Variants in RNASET2 observed in about 807,000 individuals in gnomAD.
RNASET2 encodes ribonuclease T2, also known as ribonuclease 6.
Under a neutral mutation model 33.9 loss-of-function variants are expected in RNASET2, and 28 were observed. The observed-to-expected ratio is 0.83, with a 90% CI of 0.61 to 1.13. The LOEUF (loss-of-function observed/expected upper bound fraction) is 1.13. RNASET2 is among the 50% of genes most tolerant of loss of function. The pLI, the probability that RNASET2 is intolerant of heterozygous loss-of-function variation, is 0.00. For synonymous variants in RNASET2, 123 were observed against 121.0 expected, an observed-to-expected ratio of 1.02 and a Z score of -0.11; for missense variants, 330 against 319.9, an observed-to-expected ratio of 1.03 and a Z score of -0.24.
Position 166,946,696 on chromosome 6 carries a change from A to C in RNASET2, c.247T>G (p.Leu83Val), listed in dbSNP as rs1239628395. ...EGCNRSWPFN[L>V]EEIKDLLPEM... Reference sequence around the variant, plus strand: ...AAAGTCAATACCTTAATCTCTTCTAAATTGAAGGGCCACGATCTATTACAT... The same window carrying C: ...AAAGTCAATACCTTAATCTCTTCTACATTGAAGGGCCACGATCTATTACAT... The change falls in exon 4 of 9, where the codon TTA becomes GTA. Residue 83 changes from leucine (L) to valine (V), a missense_variant. By Grantham distance (32) the Leu-to-Val change is conservative. Coordinates refer to ENST00000508775, the MANE Select transcript of RNASET2 (RefSeq NM_003730.6). The C allele has an allele frequency of 6.4e-7, 1 of 1,555,860 alleles. No homozygotes were observed. The highest frequency in any genetic ancestry group is 1.1e-5 in the South Asian group (1 of 87,210).
In RNASET2 at chr6:166,922,178, T is replaced by C. The variant is rs1359700794; in HGVS notation, c.*7410A>G. Among the ~76,000 whole-genome samples, 1 of 152,246 alleles carries C rather than the reference T, an allele frequency of 6.6e-6. No individual in the cohort carries two copies. Among genetic ancestry groups the C allele is most frequent in the Non-Finnish European group, 1.5e-5 (1 of 68,052 alleles). On this transcript the variant is annotated 3_prime_UTR_variant, in exon 9 of 9. Transcript: ENST00000508775. ...TAGGATCCTAACTGCTAAGCATATA[T>C]GTTGATCATGTTTACATGTTTATGT... is the stretch of plus-strand genomic sequence containing the variant.
At chr6:166,943,207 T>C (rs1778735497) in intron 4 of RNASET2, 118 bp from the exon 5 acceptor site, 3 of 726,360 alleles carry the variant, frequency 4.1e-6, no homozygotes, top group East Asian at 2.8e-5. Flanking sequence ...AACAATACTT[T>C]GGTGAATAAA....
At position 166,933,944 on chromosome 6, in the gene RNASET2, A is replaced by C. The variant is rs1230652668; in HGVS notation, c.492+147T>G. 3 of 739,904 alleles carry C rather than the reference A, an allele frequency of 4.1e-6. No homozygotes were observed. Among genetic ancestry groups the C allele is most frequent in the Non-Finnish European group, 7.4e-6 (3 of 403,880 alleles). The allele number at this position is 739,904 out of a possible 1,614,324, so 45.8% of individuals were successfully genotyped here. On this transcript the variant is annotated intron_variant, in intron 7 of 8. Transcript: ENST00000508775. This position sits in a 1 kb window ranked among gnomAD's most constrained non-coding sequence, Gnocchi z 4.1. ...CAACATGCGCAGGAAAATAAAATGC[A>C]AATAAAATCTGTTCACATGATAACA...
intron 5 of RNASET2, among the ~76,000 whole-genome samples, chr6:166,941,169 CA>C (rs1485773196): frequency 6.6e-6 from 1 of 152,110 alleles, no homozygotes; most frequent in Non-Finnish European, 1.5e-5. Context: ...CATTTAGAAC[CA>C]GTTTTTTAAG....
chr6:166,946,621 T>C (rs955558156), intron 4 of RNASET2, 61 bp downstream of exon 4: 2 of 920,752 alleles, frequency 2.2e-6, no homozygotes, highest in Admixed American at 2.0e-5. Flanking sequence ...GGTACGCTTG[T>C]GAAGAAAAGA....
chr6:166,955,046 C>T (rs202175988), intron 1 of RNASET2, among the ~76,000 whole-genome samples: 1 of 151,636 alleles, frequency 6.6e-6, no homozygotes, highest in Middle Eastern at 3.2e-3. Context: ...AGTAAGAAAT[C>T]CTATTAACCC....
At chr6:166,955,197 G>GCA (rs1279464424) in intron 1 of RNASET2, among the ~76,000 whole-genome samples, 26 of 119,128 alleles carry the variant, frequency 2.2e-4, no homozygotes, top group African/African-American at 8.8e-4. Context: ...ACGCACACAC[G>GCA]CACGCACACA....
intron 6 of RNASET2, among the ~76,000 whole-genome samples, chr6:166,935,989 A>C (rs1778557153): frequency 6.6e-6 from 1 of 152,206 alleles, no homozygotes; most frequent in Non-Finnish European, 1.5e-5. Context: ...AGTTTATGAT[A>C]ATTTGAAAAG....
intron 2 of RNASET2, among the ~76,000 whole-genome samples, chr6:166,949,500 CAAA>C (rs61621125): frequency 1.0e-3 from 46 of 44,398 alleles, no homozygotes; most frequent in African/African-American, 2.9e-3. Flanking sequence ...GACTCCATCT[CAAA>C]AAAAAAAAAA....
intron 4 of RNASET2, chr6:166,944,957 G>A (rs560831680): frequency 8.2e-6 from 1 of 122,156 alleles, no homozygotes; most frequent in South Asian, 1.6e-4. Context: ...TGTCAGCCCT[G>A]CCCTCACCCA....
Position 166,931,041 on chromosome 6 carries a change from A to C in RNASET2, c.567+3T>G. On this transcript the variant is annotated splice_donor_region_variant and intron_variant, in intron 8 of 8. Transcript: ENST00000508775. Reference sequence around the variant, plus strand: ...AAAGGAAGACAAAACATAACTGTCTAACCTGGCTTGGTGGAAGGCACTGGA... The same window carrying C: ...AAAGGAAGACAAAACATAACTGTCTCACCTGGCTTGGTGGAAGGCACTGGA... 6.2e-7 allele frequency: 1 copy of C among 1,606,182 alleles called. No individual in the cohort carries two copies. Among genetic ancestry groups the C allele is most frequent in the Admixed American group, 1.7e-5 (1 of 60,022 alleles).
chr6:166,932,770 G>C (rs2128644340), intron 7 of RNASET2: 1 of 152,388 alleles, frequency 6.6e-6, no homozygotes, highest in Admixed American at 6.5e-5. Flanking sequence ...TGTGGCTTTT[G>C]CCACCCCTGT....
intron 6 of RNASET2, chr6:166,938,454 A>T: frequency 2.0e-6 from 1 of 491,414 alleles, no homozygotes; most frequent in Non-Finnish European, 4.1e-6. Context: ...CTGGGGCTTA[A>T]AGAACCCTGG....
rs1778284866 is a variant in RNASET2 at position 166,925,131 on chromosome 6, GC to G, written c.*4456del. Reference sequence around the variant, plus strand: ...GAACAGCACAGCCCTCACCTCTGCTGCCCAGGCCTCATCTACGCCATCCAGC... The same window carrying G: ...GAACAGCACAGCCCTCACCTCTGCTGCCAGGCCTCATCTACGCCATCCAGC... On this transcript the variant is annotated 3_prime_UTR_variant, in exon 9 of 9. Coordinates refer to ENST00000508775, the MANE Select transcript of RNASET2 (RefSeq NM_003730.6). Among the ~76,000 whole-genome samples, 1 of 135,014 alleles carries G rather than the reference GC, an allele frequency of 7.4e-6. No homozygotes were observed. The highest frequency in any genetic ancestry group is 1.6e-5 in the Non-Finnish European group (1 of 63,356). The allele number at this position is 135,014 out of a possible 152,430, so 88.6% of individuals were successfully genotyped here. A position where few individuals can be genotyped will look rare whatever the true frequency, so the allele number is the denominator to read the frequency against.
chr6:166,948,300 C>G (rs756111889), intron 3 of RNASET2: 6 of 487,270 alleles, frequency 1.2e-5, no homozygotes, highest in Admixed American at 3.1e-5. Context: ...GAGCCAAGAT[C>G]GTGCCACTGC....
rs1298281907 is a variant in RNASET2, at chr6:166,924,592, C to T, written c.*4996G>A. On this transcript the variant is annotated 3_prime_UTR_variant, in exon 9 of 9. Coordinates refer to ENST00000508775, the MANE Select transcript of RNASET2 (RefSeq NM_003730.6). ...TTGCTGTCTCCCTTTCTTCAGGTTC[C>T]GAGGAAGCCTTCCCTGGCCGCCTTC... Among the ~76,000 whole-genome samples the T allele has an allele frequency of 2.0e-5, 3 of 152,090 alleles. No homozygotes were observed. Among genetic ancestry groups the T allele is most frequent in the Admixed American group, 6.5e-5 (1 of 15,272 alleles).
chr6:166,924,705 C>A lies in RNASET2; in HGVS notation c.*4883G>T, dbSNP rs1394057551. 6.6e-6 allele frequency among the ~76,000 whole-genome samples: 1 copy of A among 152,180 alleles called. No individual in the cohort carries two copies. The highest frequency in any genetic ancestry group is 1.5e-5 in the Non-Finnish European group (1 of 68,030). The stretch of plus-strand genomic sequence containing the variant: ...TTTTCCCTTGCCGTCTGTTGCCCTG[C>A]ACTTTGGGAGGCTGAGGCAGGTGGA... On this transcript the variant is annotated 3_prime_UTR_variant, in exon 9 of 9. Transcript: ENST00000508775.
At chr6:166,948,516 G>C (rs1778903369) in intron 3 of RNASET2, 54 bp downstream of exon 3, 3 of 1,070,032 alleles carry the variant, frequency 2.8e-6, no homozygotes, top group Non-Finnish European at 4.4e-6. Flanking sequence ...TCAAGCTAGG[G>C]TTCCCAGTCA....
chr6:166,944,888 G>C (rs1226107042), intron 4 of RNASET2, among the ~76,000 whole-genome samples: 1 of 150,926 alleles, frequency 6.6e-6, no homozygotes, highest in East Asian at 2.0e-4. Flanking sequence ...TGTCAGCGCT[G>C]TCCCCTTAGC....
Sources: gnomAD v4.1 joint callset for allele counts (sites outside exome capture counted in the v4.1 genomes callset) on GRCh38, gnomAD v4.1.1 for gene constraint, Gnocchi (gnomAD v3.1) non-coding constraint, MANE v1.5 for transcripts, NCBI Gene and HGNC (gene_info 2026-07-23, HGNC 2026-07-21) for gene names.